SLC5A11: variants seen among roughly 807,000 people sequenced by gnomAD.
SLC5A11 encodes solute carrier family 5 member 11, also known as sodium/myo-inositol cotransporter 2.
Under a neutral mutation model 69.8 loss-of-function variants are expected in SLC5A11, and 48 were observed. The observed-to-expected ratio is 0.69, with a 90% confidence interval of 0.55 to 0.87. The LOEUF is 0.87. SLC5A11 is among the 40% of genes least tolerant of loss of function. The probability of loss-of-function intolerance (pLI) is 0.00; values close to 1 mark genes in which losing one functional copy is unlikely to be tolerated. For synonymous variants in SLC5A11, 319 were observed against 342.4 expected (o/e 0.93, Z 0.75); for missense variants, 784 against 866.1 (o/e 0.91, Z 1.19).
At position 24,859,157 on chromosome 16, in the gene SLC5A11, G is replaced by C. The variant is rs186441251; in HGVS notation, c.135+379G>C. The C allele has an allele frequency of 2.5e-3, 400 of 158,648 alleles. 2 individuals are homozygous for C. Among genetic ancestry groups the C allele is most frequent in the Admixed American group, 4.4e-3 (68 of 15,432 alleles). The allele number at this position is 158,648 out of a possible 1,614,324, so 9.8% of individuals were successfully genotyped here. ...ACTTCGAAGCTCATGTTTTGTTTTT[G>C]TTTTTGTTTTGTTTGTTTTGCTTTT... is the stretch of plus-strand genomic sequence containing the variant. On this transcript the variant is annotated intron_variant, in intron 2 of 15. Coordinates refer to ENST00000347898, the Ensembl canonical transcript of SLC5A11.
chr16:24,858,263 C>A (rs920992304), intron 1 of SLC5A11, among the ~76,000 whole-genome samples: 1 of 152,178 alleles, frequency 6.6e-6, no homozygotes, highest in Non-Finnish European at 1.5e-5. Context: ...CTGTGAGGTA[C>A]CACGGAAGTG....
intron 10 of SLC5A11, among the ~76,000 whole-genome samples, chr16:24,905,782 A>G (rs2050016469): frequency 6.6e-6 from 1 of 152,204 alleles, no homozygotes; most frequent in Admixed American, 6.5e-5. Flanking sequence ...TACTAGCAAT[A>G]TAATCTGGAG....
At chr16:24,858,640 G>C in exon 2 of SLC5A11, 2 of 1,608,656 alleles carry the variant, frequency 1.2e-6, no homozygotes, top group Non-Finnish European at 1.7e-6. Context: ...TCTCGTTCAG[G>C]ACCATGGAGA....
intron 3 of SLC5A11, among the ~76,000 whole-genome samples, chr16:24,866,924 A>G (rs1206586821): frequency 6.6e-6 from 1 of 152,300 alleles, no homozygotes; most frequent in East Asian, 1.9e-4. Context: ...GACAATTCAA[A>G]CACTAATAAT....
chr16:24,869,853 G>A, intron 3 of SLC5A11, 48 bp from the exon 5 acceptor site: 1 of 1,369,150 alleles, frequency 7.3e-7, no homozygotes, highest in Non-Finnish European at 1.0e-6. Flanking sequence ...TGGGGAGCAG[G>A]TACCCTTGAC....
chr16:24,897,958 C>T lies in SLC5A11; in HGVS notation c.871-16C>T, dbSNP rs201143757. The T allele has an allele frequency of 3.1e-6, 5 of 1,613,296 alleles. No individual in the cohort carries two copies. Among genetic ancestry groups the T allele is most frequent in the Non-Finnish European group, 4.2e-6 (5 of 1,179,756 alleles). Reference sequence around the variant, plus strand: ...TATCAGCATTCCCAGTTTCCAACCCCCTTGATCTTTTCCAGGTGATTGTCC... The same window carrying T: ...TATCAGCATTCCCAGTTTCCAACCCTCTTGATCTTTTCCAGGTGATTGTCC... On this transcript the variant is annotated splice_polypyrimidine_tract_variant and intron_variant, in intron 9 of 15. Transcript: ENST00000347898.
intron 10 of SLC5A11, among the ~76,000 whole-genome samples, chr16:24,904,248 G>A (rs2049854474): frequency 6.6e-6 from 1 of 152,160 alleles, no homozygotes; most frequent in Admixed American, 6.6e-5. Flanking sequence ...ACAGAGCCAA[G>A]CCATATCAGG....
At chr16:24,877,677 C>T (rs2047765618) in intron 7 of SLC5A11, among the ~76,000 whole-genome samples, 1 of 152,102 alleles carries the variant, frequency 6.6e-6, no homozygotes, top group African/African-American at 2.4e-5. Context: ...TGGCAAAATC[C>T]CATCTCTACT....
chr16:24,881,352 T>A (rs994799595), intron 7 of SLC5A11, among the ~76,000 whole-genome samples: 2 of 152,196 alleles, frequency 1.3e-5, no homozygotes, highest in South Asian at 2.1e-4. Context: ...AATGGTGCAA[T>A]CTTGGCACAC....
chr16:24,894,839 G>A (rs1377585054), intron 9 of SLC5A11, among the ~76,000 whole-genome samples: 1 of 151,994 alleles, frequency 6.6e-6, no homozygotes, highest in African/African-American at 2.4e-5. Context: ...GAACCACTTG[G>A]CTGGGCACAG....
At chr16:24,870,405 A>AAAAAC (rs1169717923) in intron 4 of SLC5A11, among the ~76,000 whole-genome samples, 5 of 150,980 alleles carry the variant, frequency 3.3e-5, no homozygotes, top group East Asian at 1.9e-4. Flanking sequence ...CTCCCCACAA[A>AAAAAC]AAAACAAAAC....
At chr16:24,907,888 A>G in intron 12 of SLC5A11, 75 bp from the exon 14 acceptor site, 1 of 1,566,982 alleles carries the variant, frequency 6.4e-7, no homozygotes, top group Non-Finnish European at 8.7e-7. Context: ...CCTGTCTATT[A>G]AAAGAGACAG....
intron 1 of SLC5A11, among the ~76,000 whole-genome samples, chr16:24,857,246 A>G: frequency 6.6e-6 from 1 of 152,258 alleles, no homozygotes; most frequent in East Asian, 1.9e-4. Context: ...GTGCATTGCA[A>G]GATGGCAAGG....
intron 10 of SLC5A11, among the ~76,000 whole-genome samples, chr16:24,904,744 G>C (rs760348289): frequency 1.3e-5 from 2 of 152,162 alleles, no homozygotes; most frequent in Non-Finnish European, 2.9e-5. Flanking sequence ...ACCCTCTTCT[G>C]CTAAGTCCAT....
intron 2 of SLC5A11, among the ~76,000 whole-genome samples, chr16:24,862,294 T>C (rs557037180): frequency 6.6e-6 from 1 of 152,288 alleles, no homozygotes; most frequent in East Asian, 1.9e-4. Context: ...ATGGTATCAG[T>C]TATAAAACAT....
At chr16:24,884,443 A>T (rs2048259964) in intron 8 of SLC5A11, among the ~76,000 whole-genome samples, 6 of 150,450 alleles carry the variant, frequency 4.0e-5, no homozygotes. Context: ...TGACTCTCTC[A>T]CCTCAGCCTC....
At chr16:24,878,985 AG>A (rs1174697316) in intron 7 of SLC5A11, among the ~76,000 whole-genome samples, 87 of 152,278 alleles carry the variant, frequency 5.7e-4, no homozygotes, top group Non-Finnish European at 7.4e-5. Flanking sequence ...CAGTGAGCCA[AG>A]ATCACACCAC....
At chr16:24,896,895 CAGTT>C (rs977448415) in intron 9 of SLC5A11, among the ~76,000 whole-genome samples, 1 of 149,966 alleles carries the variant, frequency 6.7e-6, no homozygotes, top group Non-Finnish European at 1.5e-5. Context: ...ACTACCTTCA[CAGTT>C]AGGAATTGCG....
intron 8 of SLC5A11, among the ~76,000 whole-genome samples, chr16:24,884,538 A>T (rs543359069): frequency 4.7e-4 from 60 of 128,426 alleles, no homozygotes; most frequent in African/African-American, 1.5e-3. Flanking sequence ...TTTTGTAGAG[A>T]TAGAGTCTCA....
Sources: allele counts gnomAD v4.1 joint callset (sites outside exome capture counted in the v4.1 genomes callset), GRCh38; gene constraint gnomAD v4.1.1; transcripts MANE v1.5; gene names NCBI Gene and HGNC (gene_info 2026-07-23, HGNC 2026-07-21).